FHIT: variants seen among roughly 807,000 people sequenced by gnomAD.
FHIT encodes bis(5'-adenosyl)-triphosphatase.
A neutral mutation model predicts 17.9 loss-of-function variants in FHIT; 19 were observed. The observed-to-expected ratio is 1.06, with a 90% CI of 0.74 to 1.56. The LOEUF (loss-of-function observed/expected upper bound fraction) is 1.56, where lower values mean the gene tolerates loss of function less well. Among genes scored for constraint, FHIT ranks in the 40% most tolerant of loss-of-function variants. FHIT has a pLI of 0.00. For synonymous variants in FHIT, 81 were observed against 69.7 expected (o/e 1.16, Z -0.81); for missense variants, 248 against 189.2 (o/e 1.31, Z -1.82).
intron 5 of FHIT, among the ~76,000 whole-genome samples, chr3:60,178,996 C>T (rs1346952645): frequency 1.3e-5 from 2 of 152,072 alleles, no homozygotes; most frequent in Non-Finnish European, 1.5e-5. Context: ...TCAAGAAATA[C>T]TGAGGGGCCC....
chr3:59,995,744 C>G (rs546696175), intron 7 of FHIT, among the ~76,000 whole-genome samples: 1 of 152,050 alleles, frequency 6.6e-6, no homozygotes, highest in Non-Finnish European at 1.5e-5. Context: ...CACACAGCAC[C>G]GGGTATACCT....
At chr3:59,962,568 G>A (rs1233017457) in intron 7 of FHIT, among the ~76,000 whole-genome samples, 1 of 152,110 alleles carries the variant, frequency 6.6e-6, no homozygotes, top group Non-Finnish European at 1.5e-5. Context: ...TAAGCAAAAG[G>A]ACAGCTAATG....
intron 5 of FHIT, among the ~76,000 whole-genome samples, chr3:60,183,756 C>G (rs1559707304): frequency 6.6e-6 from 1 of 152,130 alleles, no homozygotes; most frequent in Admixed American, 6.5e-5. Flanking sequence ...GGGCCAGTAA[C>G]TTTTACTAAG....
At chr3:60,360,605 T>C (rs1192203236) in intron 5 of FHIT, among the ~76,000 whole-genome samples, 1 of 152,184 alleles carries the variant, frequency 6.6e-6, no homozygotes, top group Non-Finnish European at 1.5e-5. Flanking sequence ...AGCTATCCTA[T>C]GAAATAGGTA....
intron 5 of FHIT, among the ~76,000 whole-genome samples, chr3:60,244,033 A>G (rs967586778): frequency 6.6e-6 from 1 of 152,058 alleles, no homozygotes; most frequent in Admixed American, 6.6e-5. Context: ...TACTTCTACC[A>G]CTTAGAGAAA....
intron 5 of FHIT, among the ~76,000 whole-genome samples, chr3:60,519,526 C>T (rs1376433742): frequency 6.6e-6 from 1 of 152,076 alleles, no homozygotes; most frequent in Non-Finnish European, 1.5e-5. Context: ...CCAATAAACA[C>T]TTGATTAACA....
At chr3:60,949,572 C>T (rs1315943357) in intron 3 of FHIT, among the ~76,000 whole-genome samples, 4 of 152,196 alleles carry the variant, frequency 2.6e-5, no homozygotes, top group African/African-American at 7.2e-5. Context: ...GAAAGCGGGT[C>T]ACTTCCCTCC....
chr3:60,538,278 C>G (rs547093232), intron 4 of FHIT, among the ~76,000 whole-genome samples: 16 of 151,940 alleles, frequency 1.1e-4, no homozygotes, highest in East Asian at 1.9e-4. Context: ...CACTGCTCAA[C>G]GAAATAAAAG....
intron 5 of FHIT, among the ~76,000 whole-genome samples, chr3:60,315,256 C>T (rs1709114911): frequency 6.6e-6 from 1 of 152,172 alleles, no homozygotes; most frequent in Admixed American, 6.5e-5. Context: ...TTGTCTTCAG[C>T]TATTGTGTTA....
chr3:60,505,009 C>A (rs921835040), intron 5 of FHIT, among the ~76,000 whole-genome samples: 3 of 152,188 alleles, frequency 2.0e-5, no homozygotes, highest in Admixed American at 6.5e-5. Flanking sequence ...AAGGGGAATA[C>A]CTGCTTCCCT....
intron 4 of FHIT, among the ~76,000 whole-genome samples, chr3:60,683,530 TA>T (rs1408160939): frequency 7.8e-5 from 3 of 38,456 alleles, no homozygotes; most frequent in Non-Finnish European, 2.4e-4. Flanking sequence ...TAAGATAACA[TA>T]TTTTTTTATA....
intron 5 of FHIT, among the ~76,000 whole-genome samples, chr3:60,168,476 A>C (rs933244888): frequency 2.0e-5 from 3 of 152,216 alleles, no homozygotes; most frequent in Non-Finnish European, 2.9e-5. Flanking sequence ...ATATCTCTCC[A>C]GGACTCAAAG....
intron 8 of FHIT, among the ~76,000 whole-genome samples, chr3:59,849,926 G>T (rs1158919532): frequency 6.6e-6 from 1 of 152,150 alleles, no homozygotes; most frequent in Non-Finnish European, 1.5e-5. Flanking sequence ...TTTGACTTTA[G>T]TTCTTTAAAA....
At chr3:60,488,564 G>A (rs1457439974) in intron 5 of FHIT, among the ~76,000 whole-genome samples, 1 of 152,060 alleles carries the variant, frequency 6.6e-6, no homozygotes, top group Non-Finnish European at 1.5e-5. Context: ...AGAAAGGTCT[G>A]GGGGCCATGA....
At chr3:60,116,474 G>A (rs1690715189) in intron 5 of FHIT, among the ~76,000 whole-genome samples, 1 of 152,012 alleles carries the variant, frequency 6.6e-6, no homozygotes. Flanking sequence ...CATAAATTAT[G>A]TACTTTCCTC....
intron 4 of FHIT, among the ~76,000 whole-genome samples, chr3:60,588,479 G>A (rs915656678): frequency 1.3e-5 from 2 of 151,908 alleles, no homozygotes; most frequent in East Asian, 3.9e-4. Context: ...AAAAAGAATC[G>A]AAGGAGGGAG....
At chr3:60,782,532 T>A (rs782148596) in intron 4 of FHIT, among the ~76,000 whole-genome samples, 2 of 152,108 alleles carry the variant, frequency 1.3e-5, no homozygotes, top group African/African-American at 4.8e-5. Context: ...CCTGACACAC[T>A]CTCTCTAGCA....
intron 5 of FHIT, among the ~76,000 whole-genome samples, chr3:60,181,115 C>A (rs922512173): frequency 6.6e-6 from 1 of 150,874 alleles, no homozygotes; most frequent in Non-Finnish European, 1.5e-5. Flanking sequence ...TTACTCTCTA[C>A]AATCATTACA....
chr3:59,849,620 C>T (rs996719174), intron 8 of FHIT, among the ~76,000 whole-genome samples: 1 of 152,084 alleles, frequency 6.6e-6, no homozygotes, highest in African/African-American at 2.4e-5. Context: ...AACTTTCCAA[C>T]AGCACGTACC....
Sources: allele counts gnomAD v4.1 joint callset (sites outside exome capture counted in the v4.1 genomes callset), GRCh38; gene constraint gnomAD v4.1.1; transcripts MANE v1.5; gene names NCBI Gene and HGNC (gene_info 2026-07-23, HGNC 2026-07-21).